Variants in CLEC6A observed in about 807,000 individuals in gnomAD.
CLEC6A encodes the protein C-type lectin domain family 6 member A.
In CLEC6A, 22 loss-of-function variants were observed where a neutral mutation model predicts 25.7. The observed-to-expected ratio is 0.85, with a 90% CI of 0.61 to 1.22. CLEC6A has a LOEUF of 1.22. Ranked by LOEUF, CLEC6A falls within the 50% of genes most tolerant of loss-of-function variation. The pLI is 0.00. For missense variants in CLEC6A, 240 were observed against 236.8 expected (o/e 1.01, Z -0.09); for synonymous variants, 92 against 76.7 (o/e 1.20, Z -1.04).
At chr12:8,468,335 A>T (rs1939863975) in intron 4 of CLEC6A, among the ~76,000 whole-genome samples, 1 of 152,140 alleles carries the variant, frequency 6.6e-6, no homozygotes, top group South Asian at 2.1e-4. Context: ...TTCTACATTG[A>T]TTTTGCATTC....
chr12:8,472,045 C>T (rs1324667889), intron 4 of CLEC6A, among the ~76,000 whole-genome samples: 1 of 151,948 alleles, frequency 6.6e-6, no homozygotes, highest in South Asian at 2.1e-4. Context: ...CATTGTACAT[C>T]TTGAGATCTT....
At chr12:8,460,708 C>T (rs772551118) in intron 3 of CLEC6A, 28 of 1,477,234 alleles carry the variant, frequency 1.9e-5, no homozygotes, top group East Asian at 4.5e-5. Context: ...CTGGCAGTAC[C>T]GCCAGCTCTC....
intron 4 of CLEC6A, among the ~76,000 whole-genome samples, chr12:8,472,359 T>C (rs1250987182): frequency 6.6e-6 from 1 of 152,144 alleles, no homozygotes; most frequent in Non-Finnish European, 1.5e-5. Context: ...CCCAAATATG[T>C]TGTGTTTCCT....
In CLEC6A at chr12:8,456,050, A is replaced by T; in HGVS notation, c.-62A>T. On this transcript the variant is annotated 5_prime_UTR_variant, in exon 1 of 6. Transcript: ENST00000382073. ...TTAAATGAAGCTGAGTCTCTGGGCA[A>T]CATCTTTAGGGAGAGAGGTACAAAA... 1 of 1,551,418 alleles carries T rather than the reference A, an allele frequency of 6.4e-7. No homozygotes were observed. The highest frequency in any genetic ancestry group is 8.9e-7 in the Non-Finnish European group (1 of 1,124,308).
chr12:8,460,117 C>T (rs1318204667), intron 3 of CLEC6A, among the ~76,000 whole-genome samples: 1 of 152,168 alleles, frequency 6.6e-6, no homozygotes, highest in Non-Finnish European at 1.5e-5. Context: ...GAGACTGATG[C>T]CTGTCCAAAA....
chr12:8,469,017 C>T (rs913322583), intron 4 of CLEC6A, among the ~76,000 whole-genome samples: 7 of 152,134 alleles, frequency 4.6e-5, no homozygotes, highest in Admixed American at 4.6e-4. Context: ...TTGCTGATGA[C>T]ATGGTTATAC....
At position 8,460,765 on chromosome 12, in the gene CLEC6A, C is replaced by T. The variant is rs370889783; in HGVS notation, c.223+1067C>T. ...CCCCACCTGGCCTGATAAAGCGGGC[C>T]GACTGGGCTACAAGGCCAAACAAGG... On this transcript the variant is annotated intron_variant, in intron 3 of 5. Coordinates refer to ENST00000382073, the MANE Select transcript of CLEC6A (RefSeq NM_001007033.2). 2.7e-5 allele frequency: 38 copies of T among 1,421,460 alleles called. No individual in the cohort carries two copies. In the African/African-American group the frequency reaches 3.5e-4, roughly 13 times the overall value. 88.1% of individuals were successfully genotyped at this position (1,421,460 alleles called of 1,614,324 possible).
At chr12:8,456,358 G>T (rs1939674945) in intron 1 of CLEC6A, among the ~76,000 whole-genome samples, 1 of 152,182 alleles carries the variant, frequency 6.6e-6, no homozygotes, top group Admixed American at 6.5e-5. Context: ...GTTTGTACCA[G>T]ATTTTATTGA....
chr12:8,461,162 A>G (rs1939748922), intron 3 of CLEC6A: 2 of 1,369,128 alleles, frequency 1.5e-6, no homozygotes, highest in Admixed American at 3.4e-5. Flanking sequence ...AAGTTCCACC[A>G]CACTATTTGT....
rs765755079 is a variant in CLEC6A at position 8,465,533 on chromosome 12, C to T, written c.273C>T (p.Tyr91=). Reference sequence around the variant, plus strand: ...GGAAGTCATTTGGTTCCAGTTGCTACTTCATTTCCAGTGAAGAGAAGGTTT... The same window carrying T: ...GGAAGTCATTTGGTTCCAGTTGCTATTTCATTTCCAGTGAAGAGAAGGTTT... ...ASWKSFGSSC[Y]FISSEEKVWS... Residue 91 remains tyrosine (Y), a synonymous_variant, in exon 4 of 6, where the codon TAC becomes TAT. Coordinates refer to ENST00000382073, the MANE Select transcript of CLEC6A (RefSeq NM_001007033.2). 2 of 1,613,950 alleles carry T rather than the reference C, an allele frequency of 1.2e-6. No individual in the cohort carries two copies. Among genetic ancestry groups the T allele is most frequent in the Non-Finnish European group, 1.7e-6 (2 of 1,179,922 alleles).
chr12:8,462,835 T>G (rs1418729971), intron 3 of CLEC6A, among the ~76,000 whole-genome samples: 1 of 152,134 alleles, frequency 6.6e-6, no homozygotes, highest in East Asian at 1.9e-4. Context: ...CTTTTTCTTT[T>G]CCAAGTCTCT....
intron 3 of CLEC6A, among the ~76,000 whole-genome samples, chr12:8,463,953 G>C (rs2136359702): frequency 6.6e-6 from 1 of 152,224 alleles, no homozygotes; most frequent in East Asian, 1.9e-4. Context: ...AAAAATGTTT[G>C]GTGTACATAG....
chr12:8,477,270 T>C lies in CLEC6A; in HGVS notation c.486-50T>C, dbSNP rs771759241. The C allele has an allele frequency of 2.7e-6, 4 of 1,495,480 alleles. No homozygotes were observed. The South Asian group carries it at 3.7e-5, about 14-fold the overall frequency. 92.6% of individuals were successfully genotyped at this position (1,495,480 alleles called of 1,614,324 possible). A position where few individuals can be genotyped will look rare whatever the true frequency, so the allele number is the denominator to read the frequency against. On this transcript the variant is annotated intron_variant, in intron 5 of 5. Transcript: ENST00000382073. ...CCCAGACTTTTATACTTTCTAATCA[T>C]TCACCATGCATTCTTTGAAGATGTG... is the stretch of plus-strand genomic sequence containing the variant.
intron 3 of CLEC6A, chr12:8,461,254 T>A: frequency 1.6e-6 from 1 of 644,310 alleles, no homozygotes; most frequent in Non-Finnish European, 2.7e-6. Context: ...TTTGTAAAAT[T>A]CATACCTAAT....
intron 4 of CLEC6A, among the ~76,000 whole-genome samples, chr12:8,469,746 A>G (rs1040678639): frequency 5.9e-5 from 9 of 152,190 alleles, no homozygotes; most frequent in African/African-American, 2.2e-4. Context: ...GAAGAATGAA[A>G]CTGGCTCCTG....
At chr12:8,472,301 A>T (rs897542863) in intron 4 of CLEC6A, among the ~76,000 whole-genome samples, 1 of 152,146 alleles carries the variant, frequency 6.6e-6, no homozygotes, top group Non-Finnish European at 1.5e-5. Context: ...TCTTTAGAGC[A>T]GTAATAAGCT....
At chr12:8,462,346 C>T (rs770792716) in intron 3 of CLEC6A, among the ~76,000 whole-genome samples, 1 of 141,278 alleles carries the variant, frequency 7.1e-6, no homozygotes, top group Admixed American at 7.2e-5. Context: ...CAGCCTGACA[C>T]CCGTAAAGGG....
At chr12:8,460,728 C>T in intron 3 of CLEC6A, 1 of 1,460,512 alleles carries the variant, frequency 6.8e-7, no homozygotes, top group Non-Finnish European at 9.6e-7. Context: ...CTGCTCTCCA[C>T]AGGGCTCCCC....
At position 8,456,204 on chromosome 12, in the gene CLEC6A, GAGA is replaced by G. The variant is rs1228724894; in HGVS notation, c.31+68_31+70del. ...GTATGGTGAAATGAGATCACCTGGA[GAGA>G]AGAAGTAGCCAAAGAACAGATTGAA... is the stretch of plus-strand genomic sequence containing the variant. On this transcript the variant is annotated intron_variant, in intron 1 of 5. Transcript: ENST00000382073. 3.3e-6 allele frequency: 5 copies of G among 1,514,470 alleles called. No individual in the cohort carries two copies. The East Asian group carries it at 6.8e-5, about 20-fold the overall frequency. The allele number at this position is 1,514,470 out of a possible 1,614,324, so 93.8% of individuals were successfully genotyped here.
Sources: allele counts gnomAD v4.1 joint callset (sites outside exome capture counted in the v4.1 genomes callset), GRCh38; gene constraint gnomAD v4.1.1; transcripts MANE v1.5; gene names NCBI Gene and HGNC (gene_info 2026-07-23, HGNC 2026-07-21).